TCF4: variants seen among roughly 807,000 people sequenced by gnomAD.
The protein encoded by TCF4 is SL3-3 enhancer factor 2.
Under a neutral mutation model 82.1 loss-of-function variants are expected in TCF4, and 3 were observed. That is an observed-to-expected ratio of 0.04 (90% CI 0.02 to 0.09). The LOEUF (loss-of-function observed/expected upper bound fraction) is 0.09. TCF4 is among the 10% of genes least tolerant of loss of function. TCF4 has a pLI of 1.00. For synonymous variants in TCF4, 276 were observed against 309.6 expected (o/e 0.89, Z 1.14); for missense variants, 518 against 852.7 (o/e 0.61, Z 4.89).
At chr18:55,581,543 C>T (rs1603624441) in intron 3 of TCF4, among the ~76,000 whole-genome samples, 1 of 152,194 alleles carries the variant, frequency 6.6e-6, no homozygotes, top group Non-Finnish European at 1.5e-5. Context: ...CTTATACACA[C>T]ACACACAATA....
At chr18:55,488,209 T>C (rs543354926) in intron 3 of TCF4, among the ~76,000 whole-genome samples, 136 of 152,322 alleles carry the variant, frequency 8.9e-4, no homozygotes, top group African/African-American at 3.1e-3. Context: ...TAGTCTAATA[T>C]ACAAAACAAA....
At chr18:55,463,782 C>T (rs529349006) in intron 4 of TCF4, among the ~76,000 whole-genome samples, 11 of 152,036 alleles carry the variant, frequency 7.2e-5, no homozygotes, top group South Asian at 4.2e-4. Context: ...AAACATGTAA[C>T]GAAGGAATTT....
intron 2 of TCF4, among the ~76,000 whole-genome samples, chr18:55,626,011 T>A (rs748631073): frequency 6.6e-6 from 1 of 152,198 alleles, no homozygotes; most frequent in Non-Finnish European, 1.5e-5. Flanking sequence ...AAAGCCTGCT[T>A]TACTTTCTTG....
intron 6 of TCF4, among the ~76,000 whole-genome samples, chr18:55,385,626 C>G (rs1249875164): frequency 1.3e-5 from 2 of 152,160 alleles, no homozygotes; most frequent in Non-Finnish European, 2.9e-5. Flanking sequence ...GTCTCGAACT[C>G]CTGGCCTCAG....
chr18:55,442,946 T>C (rs912491036), intron 5 of TCF4, among the ~76,000 whole-genome samples: 4 of 152,238 alleles, frequency 2.6e-5, no homozygotes, highest in Admixed American at 6.5e-5. Context: ...CAAGATGGAC[T>C]AGCTTTTTAA....
chr18:55,560,241 C>T (rs967030637), intron 3 of TCF4, among the ~76,000 whole-genome samples: 4 of 152,058 alleles, frequency 2.6e-5, no homozygotes, highest in African/African-American at 9.7e-5. Context: ...ATATGCAGTG[C>T]GTAATGCAAG....
At chr18:55,482,519 T>C (rs902385974) in intron 3 of TCF4, among the ~76,000 whole-genome samples, 1 of 152,172 alleles carries the variant, frequency 6.6e-6, no homozygotes, top group African/African-American at 2.4e-5. Flanking sequence ...CAACCACAGG[T>C]TGGAGACAGC....
intron 1 of TCF4, among the ~76,000 whole-genome samples, chr18:55,587,588 T>TCACACTCGCACACGCACA: frequency 6.7e-6 from 1 of 150,356 alleles, no homozygotes; most frequent in South Asian, 2.1e-4. Flanking sequence ...CCTCGCACAC[T>TCACACTCGCACACGCACA]CACACTCGCA....
chr18:55,339,766 T>C (rs1437898946), intron 8 of TCF4, among the ~76,000 whole-genome samples: 1 of 152,210 alleles, frequency 6.6e-6, no homozygotes, highest in African/African-American at 2.4e-5. Context: ...AAAAAGTGTT[T>C]TAAGTTTCTC....
intron 3 of TCF4, among the ~76,000 whole-genome samples, chr18:55,526,692 T>C (rs2096988214): frequency 6.6e-6 from 1 of 152,202 alleles, no homozygotes; most frequent in South Asian, 2.1e-4. Context: ...AAAGGCACTG[T>C]GAACCCTTGG....
chr18:55,507,205 C>T (rs1475206413), intron 3 of TCF4, among the ~76,000 whole-genome samples: 1 of 152,154 alleles, frequency 6.6e-6, no homozygotes, highest in African/African-American at 2.4e-5. Context: ...TTATAGGATG[C>T]ACTTCATGGC....
chr18:55,596,319 C>T (rs914591645), intron 2 of TCF4: 1 of 263,344 alleles, frequency 3.8e-6, no homozygotes, highest in African/African-American at 2.4e-5. Context: ...GAAGCTTGGT[C>T]TACTTTTGTT....
At chr18:55,462,087 C>T (rs999548128) in intron 4 of TCF4, among the ~76,000 whole-genome samples, 3 of 152,158 alleles carry the variant, frequency 2.0e-5, no homozygotes, top group Admixed American at 2.0e-4. Context: ...TCTGCCCACA[C>T]AAAAGAGAGG....
chr18:55,418,338 A>T (rs2094594925), intron 5 of TCF4, among the ~76,000 whole-genome samples: 1 of 152,036 alleles, frequency 6.6e-6, no homozygotes, highest in African/African-American at 2.4e-5. Flanking sequence ...AAACTTATGA[A>T]CACATTTTTT....
intron 4 of TCF4, 26 bp from the exon 5 acceptor site, chr18:55,461,141 T>C (rs1408661964): frequency 1.3e-6 from 2 of 1,551,822 alleles, no homozygotes; most frequent in Non-Finnish European, 8.8e-7. Context: ...CAGTGTAAGT[T>C]ATTATTTTAT....
intron 5 of TCF4, among the ~76,000 whole-genome samples, chr18:55,451,267 C>T (rs2095617317): frequency 6.6e-6 from 1 of 152,190 alleles, no homozygotes; most frequent in Non-Finnish European, 1.5e-5. Context: ...CCTTGCAATG[C>T]CCTAACAGTT....
At chr18:55,276,026 C>T (rs1190929622) in intron 9 of TCF4, among the ~76,000 whole-genome samples, 3 of 152,056 alleles carry the variant, frequency 2.0e-5, no homozygotes, top group Non-Finnish European at 4.4e-5. Flanking sequence ...TGTCAAGTCG[C>T]AAGGTAATTA....
intron 2 of TCF4, among the ~76,000 whole-genome samples, chr18:55,630,213 A>G (rs1277441919): frequency 4.6e-5 from 7 of 152,242 alleles, no homozygotes; most frequent in African/African-American, 1.7e-4. Flanking sequence ...AATGTGTTAG[A>G]TAATTATAAC....
intron 3 of TCF4, among the ~76,000 whole-genome samples, chr18:55,548,065 G>C (rs930802889): frequency 6.6e-6 from 1 of 152,236 alleles, no homozygotes; most frequent in Non-Finnish European, 1.5e-5. Context: ...ACAAGTCTGA[G>C]TGATGCTTTA....
Sources: allele counts gnomAD v4.1 joint callset (sites outside exome capture counted in the v4.1 genomes callset), GRCh38; gene constraint gnomAD v4.1.1; transcripts MANE v1.5; gene names NCBI Gene and HGNC (gene_info 2026-07-23, HGNC 2026-07-21).